The following MLLT6 variants were observed in gnomAD, a reference collection of about 807,000 sequenced individuals.
The protein encoded by MLLT6 is protein AF-17.
A neutral mutation model predicts 103.0 loss-of-function variants in MLLT6; 22 were observed. The ratio of observed to expected loss-of-function variants is 0.21; its 90% confidence interval spans 0.15 to 0.31. MLLT6 has a LOEUF of 0.31. Among genes scored for constraint, MLLT6 ranks in the 10% least tolerant of loss-of-function variants. The pLI is 1.00. For missense variants in MLLT6, 1,199 were observed against 1,441.7 expected (o/e 0.83, Z 2.73); for synonymous variants, 606 against 623.5 (o/e 0.97, Z 0.42).
intron 10 of MLLT6, 148 bp downstream of exon 10, chr17:38,717,129 C>T (rs969584848): frequency 1.6e-5 from 20 of 1,218,936 alleles, no homozygotes; most frequent in Non-Finnish European, 2.0e-5. Flanking sequence ...GGACATCCCC[C>T]TCTGCATGCG....
chr17:38,715,821 G>A lies in MLLT6; in HGVS notation c.1029G>A (p.Gln343=), dbSNP rs909870626. ...SSSSSSGGPF[Q]PAVSSLQSSP... is the part of the protein sequence containing the mutation. ...CCTCCTCCTCTGGGGGGCCCTTCCA[G>A]CCTGCAGGTGAGTGTGGGCATCCGG... Residue 343 remains glutamine (Q), a synonymous_variant, in exon 9 of 20, where the codon CAG becomes CAA. Coordinates refer to ENST00000621332, the MANE Select transcript of MLLT6 (RefSeq NM_005937.4). 2 of 1,590,540 alleles carry A rather than the reference G, an allele frequency of 1.3e-6. No individual in the cohort carries two copies. The highest frequency in any genetic ancestry group is 1.8e-5 in the Admixed American group (1 of 55,378).
In MLLT6 at chr17:38,709,472, C is replaced by A. The variant is rs747127820; in HGVS notation, c.459-10C>A. The A allele has an allele frequency of 5.0e-6, 8 of 1,612,880 alleles. No individual in the cohort carries two copies. Among genetic ancestry groups the A allele is most frequent in the Non-Finnish European group, 6.8e-6 (8 of 1,178,928 alleles). On this transcript the variant is annotated splice_polypyrimidine_tract_variant and intron_variant, in intron 5 of 19. Transcript: ENST00000621332. This position sits in a 1 kb window ranked among gnomAD's most constrained non-coding sequence, Gnocchi z 4.3. ...GGCCTCAGCCGTCTCAGGCTGCCTT[C>A]TCTGGTTAGTGCCCAAATGGCAGGC...
Position 38,705,774 on chromosome 17 carries a change from C to T in MLLT6, c.109+33C>T, listed in dbSNP as rs758183156. On this transcript the variant is annotated intron_variant, in intron 1 of 19. Coordinates refer to ENST00000621332, the MANE Select transcript of MLLT6 (RefSeq NM_005937.4). ...GGTGGCCCGCGGGGGGCGGCGGGACCCCGGGGGCGGCGTGCGCGGGGCGCC... is the reference window on the plus strand; with the variant it reads ...GGTGGCCCGCGGGGGGCGGCGGGACTCCGGGGGCGGCGTGCGCGGGGCGCC... 4 of 1,172,366 alleles carry T rather than the reference C, an allele frequency of 3.4e-6. No homozygotes were observed. In the South Asian group the frequency reaches 1.2e-4, roughly 34 times the overall value. The allele number at this position is 1,172,366 out of a possible 1,614,324, so 72.6% of individuals were successfully genotyped here.
intron 16 of MLLT6, chr17:38,721,028 G>A: frequency 1.9e-6 from 1 of 536,354 alleles, no homozygotes; most frequent in Middle Eastern, 4.8e-4. Context: ...ATATGTTAGT[G>A]TGGAGAGAAA....
chr17:38,705,899 C>A (rs1904893008), intron 1 of MLLT6, among the ~76,000 whole-genome samples, 158 bp downstream of exon 1: 1 of 151,724 alleles, frequency 6.6e-6, no homozygotes, highest in Admixed American at 6.5e-5. Flanking sequence ...CCGCCCGGTC[C>A]TGGAAGACCG....
rs1319786006 is a variant in MLLT6, at chr17:38,709,298, C to T, written c.458+22C>T. 5.0e-6 allele frequency: 8 copies of T among 1,591,450 alleles called. No individual in the cohort carries two copies. The highest frequency in any genetic ancestry group is 2.7e-5 in the African/African-American group (2 of 74,620). ...CCTGGTGAGACCCCTGTCCCACCCC[C>T]CTGCCCCCCGGGTTTGTCCTGGATG... On this transcript the variant is annotated intron_variant, in intron 5 of 19. Coordinates refer to ENST00000621332, the MANE Select transcript of MLLT6 (RefSeq NM_005937.4). This position sits in a 1 kb window ranked among gnomAD's most constrained non-coding sequence, Gnocchi z 4.3.
rs1322173343 is a variant in MLLT6 at position 38,725,924 on chromosome 17, G to C, written c.*326G>C. ...AGCAGAGTGGGCCATGGCAGAAGTA[G>C]GGGGTTGGTTGGACCTGTCACATGA... On this transcript the variant is annotated 3_prime_UTR_variant, in exon 20 of 20. Transcript: ENST00000621332. 12 of 382,870 alleles carry C rather than the reference G, an allele frequency of 3.1e-5. No individual in the cohort carries two copies. Among genetic ancestry groups the C allele is most frequent in the Non-Finnish European group, 5.1e-5 (11 of 215,496 alleles). The allele number at this position is 382,870 out of a possible 1,614,324, so 23.7% of individuals were successfully genotyped here. A position where few individuals can be genotyped will look rare whatever the true frequency, so the allele number is the denominator to read the frequency against.
At chr17:38,713,392 A>T (rs1273322195) in intron 8 of MLLT6, 2 of 302,294 alleles carry the variant, frequency 6.6e-6, no homozygotes, top group African/African-American at 4.3e-5. Context: ...TTGCTAATCC[A>T]AGCTGGAACA....
intron 10 of MLLT6, 71 bp downstream of exon 10, chr17:38,717,052 G>T (rs1362566843): frequency 7.6e-6 from 12 of 1,579,352 alleles, no homozygotes; most frequent in African/African-American, 1.4e-5. Context: ...GCTTACACAT[G>T]CACTTAGAAG....
At chr17:38,711,184 G>A (rs1905129985) in intron 6 of MLLT6, among the ~76,000 whole-genome samples, 1 of 152,170 alleles carries the variant, frequency 6.6e-6, no homozygotes, top group South Asian at 2.1e-4. Flanking sequence ...TAACCCCGGG[G>A]AGGGTGGAGC....
At chr17:38,722,836 C>A in intron 18 of MLLT6, 68 bp downstream of exon 18, 1 of 1,179,726 alleles carries the variant, frequency 8.5e-7, no homozygotes, top group Non-Finnish European at 1.3e-6. Context: ...CTCAGAGGAT[C>A]AGGGCCAGCC....
chr17:38,707,454 C>T lies in MLLT6; in HGVS notation c.190-32C>T, dbSNP rs200647267. 7.4e-6 allele frequency: 12 copies of T among 1,611,714 alleles called. No homozygotes were observed. In the Admixed American group the frequency reaches 1.2e-4, roughly 16 times the overall value. ...TCAGGGAGGGTCCAGCTCAGCAGAT[C>T]CCCCAACCCCTGTGCACTCTTGCAT... On this transcript the variant is annotated intron_variant, in intron 2 of 19. Transcript: ENST00000621332.
chr17:38,707,145 A>T, intron 2 of MLLT6, 116 bp downstream of exon 2: 1 of 822,224 alleles, frequency 1.2e-6, no homozygotes, highest in Non-Finnish European at 1.9e-6. Context: ...TCTGTCACAC[A>T]GACTTCCTGT....
intron 14 of MLLT6, 117 bp from the exon 15 acceptor site, chr17:38,720,255 G>A (rs551874711): frequency 1.9e-6 from 2 of 1,031,748 alleles, no homozygotes; most frequent in South Asian, 3.1e-5. Context: ...TCCCTCCTTA[G>A]GATGGCGCCG....
At position 38,715,728 on chromosome 17, in the gene MLLT6, G is replaced by A. The variant is rs1288007743; in HGVS notation, c.936G>A (p.Gly312=). 1.9e-6 allele frequency: 3 copies of A among 1,614,144 alleles called. No individual in the cohort carries two copies. The highest frequency in any genetic ancestry group is 1.1e-5 in the South Asian group (1 of 91,064). The change falls in exon 9 of 20, where the codon GGG becomes GGA. Residue 312 remains glycine, a synonymous_variant. Transcript: ENST00000621332. The part of the protein sequence containing the change: ...KSSSHSLSHK[G]KKLSSGKGVS... Reference sequence around the variant, plus strand: ...CCAGCCATAGCCTGAGTCATAAAGGGAAGAAACTGAGCAGTGGGAAAGGTG... The same window carrying A: ...CCAGCCATAGCCTGAGTCATAAAGGAAAGAAACTGAGCAGTGGGAAAGGTG...
Position 38,717,817 on chromosome 17 carries a change from G to T in MLLT6, c.1834-28G>T. ...TTGTGCTCTAGATCCAAGAATAACC[G>T]CCAGGGGATTCTACCTCCCTCCCTT... is the stretch of plus-strand genomic sequence containing the variant. On this transcript the variant is annotated intron_variant, in intron 11 of 19. Transcript: ENST00000621332. The T allele has an allele frequency of 2.6e-6, 4 of 1,561,098 alleles. No individual in the cohort carries two copies. The South Asian group carries it at 4.5e-5, about 17-fold the overall frequency.
rs371519094 is a variant in MLLT6, at chr17:38,712,766, C to A, written c.796C>A (p.Pro266Thr). The part of the protein sequence containing the change: ...PESPPSILTP[P>T]VVPTADKVSS... ...GTCGCCCCCCAGCATCCTCACCCCG[C>A]CCGTGGTCCCCACTGCTGACAAGGT... Residue 266 changes from proline to threonine, a missense_variant, in exon 8 of 20, where the codon CCC becomes ACC. Physicochemically the swap from Pro to Thr is conservative, Grantham distance 38. This residue lies in a region of MLLT6 where 1,034 missense variants were observed against 1,091.5 expected (regional missense o/e 0.95). Transcript: ENST00000621332. The A allele has an allele frequency of 1.4e-5, 22 of 1,613,452 alleles. No individual in the cohort carries two copies. The highest frequency in any genetic ancestry group is 2.7e-5 in the African/African-American group (2 of 74,916).
At chr17:38,718,787 G>C (rs965605021) in intron 12 of MLLT6, 2 of 152,224 alleles carry the variant, frequency 1.3e-5, no homozygotes, top group Non-Finnish European at 2.9e-5. Context: ...TCTCCCTGGA[G>C]AGTCAGCCCA....
In MLLT6 at chr17:38,715,785, C is replaced by T. The variant is rs757975646; in HGVS notation, c.993C>T (p.Ser331=). ...VSSFTSASSS[S]SSSSSSSGGP... is the part of the protein sequence containing the mutation. ...GTTTTACCTCCGCCTCCTCTTCTTC[C>T]TCCTCCTCTTCCTCCTCCTCTGGGG... is the stretch of plus-strand genomic sequence containing the variant. Residue 331 remains serine (S), a synonymous_variant, in exon 9 of 20, where the codon TCC becomes TCT. Coordinates refer to ENST00000621332, the MANE Select transcript of MLLT6 (RefSeq NM_005937.4). 5.0e-6 allele frequency: 8 copies of T among 1,610,750 alleles called. No homozygotes were observed. In the East Asian group the frequency reaches 1.3e-4, roughly 27 times the overall value.
Sources: gnomAD v4.1 joint callset for allele counts (sites outside exome capture counted in the v4.1 genomes callset) on GRCh38, gnomAD v4.1.1 for gene constraint, gnomAD v4.1.1 regional missense constraint, Gnocchi (gnomAD v3.1) non-coding constraint, MANE v1.5 for transcripts, NCBI Gene and HGNC (gene_info 2026-07-23, HGNC 2026-07-21) for gene names.